Variants in MAP7 observed in about 807,000 individuals in gnomAD.
MAP7 encodes ensconsin.
Under a neutral mutation model 94.8 loss-of-function variants are expected in MAP7, and 52 were observed. The observed-to-expected ratio is 0.55, with a 90% CI of 0.44 to 0.69. MAP7 has a LOEUF of 0.69. Ranked by LOEUF, MAP7 falls within the 30% of genes least tolerant of loss-of-function variation. MAP7 has a pLI of 0.00. For synonymous variants in MAP7, 350 were observed against 357.0 expected (o/e 0.98, Z 0.22); for missense variants, 940 against 964.6 (o/e 0.97, Z 0.34).
chr6:136,500,890 C>A (rs1218758519), intron 1 of MAP7, among the ~76,000 whole-genome samples: 2 of 151,980 alleles, frequency 1.3e-5, no homozygotes, highest in African/African-American at 4.8e-5. Context: ...TACAGTATAA[C>A]CATTAGTAGA....
intron 1 of MAP7, among the ~76,000 whole-genome samples, chr6:136,472,941 C>T (rs889960705): frequency 2.0e-5 from 3 of 152,200 alleles, no homozygotes; most frequent in African/African-American, 7.2e-5. Flanking sequence ...CAGGTCACTG[C>T]AATTTCTTTC....
rs558169978 is a variant in MAP7 at position 136,484,325 on chromosome 6, T to A, written c.68-62526A>T. Reference sequence around the variant, plus strand: ...TTATTAAATAGTAAAGTATAGTAATTTTGAATTATGGAGTAAAGGCTACTT... The same window carrying A: ...TTATTAAATAGTAAAGTATAGTAATATTGAATTATGGAGTAAAGGCTACTT... On this transcript the variant is annotated intron_variant, in intron 1 of 17. Transcript: ENST00000354570. 5.2e-3 allele frequency among the ~76,000 whole-genome samples: 790 copies of A among 152,270 alleles called. 2 individuals are homozygous for A. Among genetic ancestry groups the A allele is most frequent in the African/African-American group, 0.018 (760 of 41,548 alleles).
Position 136,360,739 on chromosome 6 carries a change from C to G in MAP7, c.1761G>C (p.Lys587Asn). ...EAERVRQERE[K>N]HFQREEQERL... is the part of the protein sequence containing the mutation. Reference sequence around the variant, plus strand: ...GCTCTTGCTCTTCTCTCTGGAAATGCTTCTCTCGTTCCTGCCGGACCCTCT... The same window carrying G: ...GCTCTTGCTCTTCTCTCTGGAAATGGTTCTCTCGTTCCTGCCGGACCCTCT... The change falls in exon 13 of 18, where the codon AAG becomes AAC. Residue 587 changes from lysine (K) to asparagine (N), a missense_variant. By Grantham distance (94) the Lys-to-Asn change is moderately conservative (BLOSUM62 0). Coordinates refer to ENST00000354570, the MANE Select transcript of MAP7 (RefSeq NM_003980.6). 6.2e-7 allele frequency: 1 copy of G among 1,614,184 alleles called. No homozygotes were observed. Among genetic ancestry groups the G allele is most frequent in the South Asian group, 1.1e-5 (1 of 91,086 alleles).
intron 3 of MAP7, 46 bp downstream of exon 3, chr6:136,411,574 G>A (rs1480033433): frequency 6.7e-7 from 1 of 1,491,574 alleles, no homozygotes; most frequent in Non-Finnish European, 9.1e-7. Flanking sequence ...CGGTATTATA[G>A]TGACATCCAT....
At chr6:136,391,555 A>ACAACAACAACAACAAC (rs1554241526) in intron 3 of MAP7, among the ~76,000 whole-genome samples, 3 of 149,750 alleles carry the variant, frequency 2.0e-5, no homozygotes, top group African/African-American at 7.3e-5. Flanking sequence ...GTATAATAAA[A>ACAACAACAACAACAAC]AACAACAACA....
chr6:136,465,196 A>T (rs1408344478), intron 1 of MAP7, among the ~76,000 whole-genome samples: 3 of 152,204 alleles, frequency 2.0e-5, no homozygotes, highest in Non-Finnish European at 4.4e-5. Context: ...TTTTGCAGGA[A>T]ATTGGAAAAC....
At chr6:136,481,271 A>G (rs1306430457) in intron 1 of MAP7, among the ~76,000 whole-genome samples, 2 of 152,204 alleles carry the variant, frequency 1.3e-5, no homozygotes, top group Non-Finnish European at 2.9e-5. Flanking sequence ...ACTGCTAGGT[A>G]TATACTCAAA....
chr6:136,484,520 A>G (rs1467878391), intron 1 of MAP7, among the ~76,000 whole-genome samples: 1 of 152,182 alleles, frequency 6.6e-6, no homozygotes, highest in South Asian at 2.1e-4. Context: ...AATAAGTAGA[A>G]TTCCTCGGCT....
chr6:136,435,935 A>G (rs1420340310), intron 1 of MAP7, among the ~76,000 whole-genome samples: 1 of 152,242 alleles, frequency 6.6e-6, no homozygotes, highest in African/African-American at 2.4e-5. Context: ...ACTATCTAAT[A>G]GGTTAAATAG....
chr6:136,377,005 C>T (rs949206791), intron 7 of MAP7, among the ~76,000 whole-genome samples: 1 of 152,152 alleles, frequency 6.6e-6, no homozygotes, highest in Admixed American at 6.5e-5. Flanking sequence ...ATCAACTCAC[C>T]AGGAGAGATC....
chr6:136,444,041 T>C (rs577269416), intron 1 of MAP7, among the ~76,000 whole-genome samples: 10 of 152,328 alleles, frequency 6.6e-5, no homozygotes, highest in African/African-American at 2.4e-4. Context: ...TCGACTTTAT[T>C]CCATGTTATA....
At chr6:136,394,930 T>TATATATATATATATATA (rs1781876004) in intron 3 of MAP7, among the ~76,000 whole-genome samples, 1 of 10,754 alleles carries the variant, frequency 9.3e-5, no homozygotes, top group African/African-American at 2.2e-4. Flanking sequence ...TAATATTCCA[T>TATATATATATATATATA]CATATATATA....
intron 1 of MAP7, among the ~76,000 whole-genome samples, chr6:136,494,973 C>T (rs1380176674): frequency 1.3e-5 from 2 of 152,124 alleles, no homozygotes; most frequent in Non-Finnish European, 2.9e-5. Context: ...AGCGTGACAC[C>T]TCATTTTATA....
At chr6:136,446,826 A>T (rs1357555275) in intron 1 of MAP7, among the ~76,000 whole-genome samples, 1 of 152,250 alleles carries the variant, frequency 6.6e-6, no homozygotes, top group Non-Finnish European at 1.5e-5. Context: ...TATTCGAAAA[A>T]GTCAGTGATG....
At chr6:136,490,247 T>G (rs1390390685) in intron 1 of MAP7, among the ~76,000 whole-genome samples, 1 of 152,226 alleles carries the variant, frequency 6.6e-6, no homozygotes, top group Non-Finnish European at 1.5e-5. Flanking sequence ...CAGGAAGATT[T>G]TCTTAAGTAG....
intron 1 of MAP7, among the ~76,000 whole-genome samples, chr6:136,538,624 CA>C (rs201208766): frequency 1.4e-3 from 194 of 142,026 alleles, no homozygotes; most frequent in Middle Eastern, 7.1e-3. Context: ...CAAAAAGAGA[CA>C]AAAAAAAAAA....
chr6:136,449,448 T>G (rs1376455295), intron 1 of MAP7, among the ~76,000 whole-genome samples: 1 of 152,076 alleles, frequency 6.6e-6, no homozygotes, highest in East Asian at 1.9e-4. Context: ...TGCCATATGG[T>G]TGGAGATTTA....
At chr6:136,440,256 G>T (rs2327731) in intron 1 of MAP7, among the ~76,000 whole-genome samples, 2 of 152,072 alleles carry the variant, frequency 1.3e-5, no homozygotes, top group Admixed American at 1.3e-4. Context: ...TACTGAGGTT[G>T]AAGTCTTCCA....
intron 13 of MAP7, 91 bp from the exon 14 acceptor site, chr6:136,360,122 G>C: frequency 2.9e-6 from 3 of 1,049,800 alleles, no homozygotes; most frequent in Non-Finnish European, 2.9e-6. Flanking sequence ...TATTTAAAAT[G>C]GTCTGTTATT....
Sources: gnomAD v4.1 joint callset for allele counts (sites outside exome capture counted in the v4.1 genomes callset) on GRCh38, gnomAD v4.1.1 for gene constraint, MANE v1.5 for transcripts, NCBI Gene and HGNC (gene_info 2026-07-23, HGNC 2026-07-21) for gene names.